FYCO1: variants seen among roughly 807,000 people sequenced by gnomAD.
FYCO1 encodes FYVE and coiled-coil domain autophagy adaptor 1, also known as FYVE and coiled-coil domain-containing protein 1.
In FYCO1, 122 loss-of-function variants were observed where a neutral mutation model predicts 165.1. The observed-to-expected ratio is 0.74, with a 90% CI of 0.64 to 0.86. The LOEUF is 0.86. FYCO1 is among the 40% of genes least tolerant of loss of function. The pLI, the probability that FYCO1 is intolerant of heterozygous loss-of-function variation, is 0.00. For synonymous variants in FYCO1, 648 were observed against 742.5 expected (o/e 0.87, Z 2.07); for missense variants, 1,702 against 1,810.3 (o/e 0.94, Z 1.09).
At chr3:45,957,017 G>A (rs1264590549) in intron 13 of FYCO1, among the ~76,000 whole-genome samples, 1 of 152,152 alleles carries the variant, frequency 6.6e-6, no homozygotes, top group East Asian at 1.9e-4. Context: ...ATAACAGTTT[G>A]GTATTAGTGA....
intron 11 of FYCO1, among the ~76,000 whole-genome samples, 156 bp from the exon 12 acceptor site, chr3:45,959,698 C>T (rs552583173): frequency 1.3e-5 from 2 of 152,350 alleles, no homozygotes; most frequent in East Asian, 3.9e-4. Context: ...TGCTAAGTCT[C>T]CTCCATCTCC....
rs376573108 is a variant in FYCO1, at chr3:45,962,983, C to T, written c.3270-591G>A. Among the ~76,000 whole-genome samples, 53 of 152,280 alleles carry T rather than the reference C, an allele frequency of 3.5e-4. No individual in the cohort carries two copies. The highest frequency in any genetic ancestry group is 1.2e-3 in the African/African-American group (50 of 41,554). On this transcript the variant is annotated intron_variant, in intron 10 of 17. Coordinates refer to ENST00000296137, the MANE Select transcript of FYCO1 (RefSeq NM_024513.4). The surrounding 1 kb of genome is among the most constrained non-coding windows in gnomAD (Gnocchi z 4.4). ...ATAGCAGAGGGAGCTGGCTGAATCT[C>T]GCTGTCTTCCTCACCCCACCCACTC...
chr3:45,966,225 C>A (rs375960247), intron 8 of FYCO1, 52 bp downstream of exon 8: 28 of 1,591,930 alleles, frequency 1.8e-5, no homozygotes, highest in Non-Finnish European at 2.3e-5. Flanking sequence ...ATGGACCCAC[C>A]AGGCCTGCCC....
chr3:45,921,955 C>A, intron 17 of FYCO1, 115 bp from the exon 18 acceptor site: 1 of 737,928 alleles, frequency 1.4e-6, no homozygotes, highest in Admixed American at 1.9e-5. Context: ...GGTGTGGGTG[C>A]TGGAGCCCCA....
intron 1 of FYCO1, among the ~76,000 whole-genome samples, chr3:45,989,251 G>T (rs547040367): frequency 3.3e-5 from 5 of 152,340 alleles, no homozygotes; most frequent in African/African-American, 7.2e-5. Context: ...GACCAAGAAA[G>T]AATGTTAAGG....
In FYCO1 at chr3:45,967,135, G is replaced by C; in HGVS notation, c.2199C>G (p.Leu733=). 1 of 1,613,820 alleles carries C rather than the reference G, an allele frequency of 6.2e-7. No homozygotes were observed. Among genetic ancestry groups the C allele is most frequent in the South Asian group, 1.1e-5 (1 of 91,084 alleles). The change falls in exon 8 of 18, where the codon CTC becomes CTG. Residue 733 remains leucine, a synonymous_variant. Coordinates refer to ENST00000296137, the MANE Select transcript of FYCO1 (RefSeq NM_024513.4). ...AEARHRELRA[L]ESQCQQQTQL... The stretch of plus-strand genomic sequence containing the variant: ...GGGTCTGCTGCTGGCACTGGCTCTC[G>C]AGAGCCCTAAGCTCTCTGTGCCGGG...
intron 14 of FYCO1, among the ~76,000 whole-genome samples, chr3:45,954,352 T>C (rs1705197757): frequency 6.6e-6 from 1 of 152,152 alleles, no homozygotes; most frequent in Admixed American, 6.5e-5. Context: ...CTCTGATGCG[T>C]TCCCTGACAG....
Position 45,962,082 on chromosome 3 carries a change from T to G in FYCO1, c.3437+143A>C. 1 of 893,276 alleles carries G rather than the reference T, an allele frequency of 1.1e-6. No homozygotes were observed. Among genetic ancestry groups the G allele is most frequent in the Non-Finnish European group, 1.8e-6 (1 of 542,720 alleles). The allele number at this position is 893,276 out of a possible 1,614,324, so 55.3% of individuals were successfully genotyped here. On this transcript the variant is annotated intron_variant, in intron 11 of 17. Transcript: ENST00000296137. The surrounding 1 kb of genome is among the most constrained non-coding windows in gnomAD (Gnocchi z 4.4). ...GACTCTAGTACTGGGGAAAGTGAGA[T>G]GGAGAAGGAGAGAGGGGCTCCTGAG...
chr3:45,926,318 C>A (rs920601276), intron 16 of FYCO1, among the ~76,000 whole-genome samples: 1 of 152,116 alleles, frequency 6.6e-6, no homozygotes, highest in African/African-American at 2.4e-5. Context: ...CAGATGTAAA[C>A]AAGATTACCA....
At chr3:45,988,904 G>T (rs1707441783) in intron 1 of FYCO1, among the ~76,000 whole-genome samples, 1 of 152,120 alleles carries the variant, frequency 6.6e-6, no homozygotes, top group East Asian at 1.9e-4. Flanking sequence ...CTGCCCAGAT[G>T]CCCTAAATGC....
At chr3:45,961,919 T>A (rs963954728) in intron 11 of FYCO1, among the ~76,000 whole-genome samples, 1 of 152,146 alleles carries the variant, frequency 6.6e-6, no homozygotes, top group African/African-American at 2.4e-5. Flanking sequence ...TCTCAAGAAG[T>A]AAGGTGGTCT....
At chr3:45,984,750 G>C in intron 2 of FYCO1, 106 bp downstream of exon 2, 1 of 1,152,256 alleles carries the variant, frequency 8.7e-7, no homozygotes, top group Non-Finnish European at 1.3e-6. Context: ...CCAATTACTC[G>C]TTGTGTGAAC....
chr3:45,927,546 C>T (rs1255923642), intron 16 of FYCO1, among the ~76,000 whole-genome samples: 1 of 152,156 alleles, frequency 6.6e-6, no homozygotes, highest in Non-Finnish European at 1.5e-5. Flanking sequence ...GTAGGACGGG[C>T]CCCTGACAAG....
intron 14 of FYCO1, among the ~76,000 whole-genome samples, chr3:45,951,703 A>G (rs553713566): frequency 8.4e-4 from 128 of 152,268 alleles, no homozygotes; most frequent in African/African-American, 2.9e-3. Flanking sequence ...TATGACGAAT[A>G]CCATCTTTTC....
At chr3:45,978,983 C>T (rs550027017) in intron 4 of FYCO1, among the ~76,000 whole-genome samples, 20 of 151,714 alleles carry the variant, frequency 1.3e-4, no homozygotes, top group Admixed American at 1.3e-3. Flanking sequence ...CAGCCTCCCG[C>T]GTAGCTGGGA....
chr3:45,922,128 G>T (rs1703116907), intron 17 of FYCO1, among the ~76,000 whole-genome samples: 1 of 152,252 alleles, frequency 6.6e-6, no homozygotes, highest in Non-Finnish European at 1.5e-5. Context: ...GCAGCTGGTG[G>T]TGGGGACTGC....
chr3:45,963,805 G>A (rs1705836128), intron 10 of FYCO1, among the ~76,000 whole-genome samples: 3 of 152,210 alleles, frequency 2.0e-5, no homozygotes, highest in Admixed American at 1.3e-4. Flanking sequence ...GGGTGGCAGC[G>A]TGATCTGCTA....
At chr3:45,923,432 C>A (rs530135589) in intron 17 of FYCO1, among the ~76,000 whole-genome samples, 8 of 152,328 alleles carry the variant, frequency 5.3e-5, no homozygotes, top group East Asian at 3.9e-4. Context: ...GAGTGTCACT[C>A]CTCTACCCCT....
At chr3:45,956,587 C>G (rs1705343293) in intron 13 of FYCO1, among the ~76,000 whole-genome samples, 1 of 152,008 alleles carries the variant, frequency 6.6e-6, no homozygotes, top group African/African-American at 2.4e-5. Flanking sequence ...TGTTTCAAGT[C>G]TGTGTAATAG....
Sources: gnomAD v4.1 joint callset for allele counts (sites outside exome capture counted in the v4.1 genomes callset) on GRCh38, gnomAD v4.1.1 for gene constraint, Gnocchi (gnomAD v3.1) non-coding constraint, MANE v1.5 for transcripts, NCBI Gene and HGNC (gene_info 2026-07-23, HGNC 2026-07-21) for gene names.